The following ADAMTS18 variants were observed in gnomAD, a reference collection of about 807,000 sequenced individuals.
ADAMTS18 encodes the protein ADAM metallopeptidase with thrombospondin type 1 motif 18.
A neutral mutation model predicts 165.9 loss-of-function variants in ADAMTS18; 157 were observed. The observed-to-expected ratio is 0.95, with a 90% confidence interval of 0.83 to 1.08. The LOEUF is 1.08. Ranked by LOEUF, ADAMTS18 falls within the 50% of genes least tolerant of loss-of-function variation. ADAMTS18 has a pLI of 0.00. For missense variants in ADAMTS18, 2,040 were observed against 1,534.0 expected (o/e 1.33, Z -5.51); for synonymous variants, 782 against 578.2 (o/e 1.35, Z -5.06).
At chr16:77,367,408 A>G in intron 4 of ADAMTS18, 33 bp downstream of exon 4, 1 of 1,613,406 alleles carries the variant, frequency 6.2e-7, no homozygotes, top group Non-Finnish European at 8.5e-7. Context: ...AGGCCCACAT[A>G]AGAACAGAAA....
At chr16:77,373,788 A>C (rs996180627) in intron 3 of ADAMTS18, among the ~76,000 whole-genome samples, 1 of 152,176 alleles carries the variant, frequency 6.6e-6, no homozygotes, top group African/African-American at 2.4e-5. Context: ...TACTGGCTTT[A>C]TGTCTATCTT....
intron 3 of ADAMTS18, among the ~76,000 whole-genome samples, chr16:77,427,134 A>G (rs1400636443): frequency 1.3e-5 from 2 of 152,216 alleles, no homozygotes; most frequent in Admixed American, 1.3e-4. Flanking sequence ...TGGAGAATTA[A>G]AAATACACCT....
At chr16:77,397,137 T>C (rs1056874591) in intron 3 of ADAMTS18, among the ~76,000 whole-genome samples, 1 of 152,058 alleles carries the variant, frequency 6.6e-6, no homozygotes, top group African/African-American at 2.4e-5. Flanking sequence ...ACCCATACTG[T>C]CCCAAATCTA....
intron 22 of ADAMTS18, among the ~76,000 whole-genome samples, chr16:77,286,479 G>A (rs996390444): frequency 6.6e-6 from 1 of 152,114 alleles, no homozygotes; most frequent in Non-Finnish European, 1.5e-5. Flanking sequence ...TGTGAAAAAT[G>A]GAATTACCTT....
At position 77,434,283 on chromosome 16, in the gene ADAMTS18, A is replaced by G. The variant is rs550861255; in HGVS notation, c.178+135T>C. The G allele has an allele frequency of 1.1e-5, 12 of 1,064,286 alleles. No homozygotes were observed. The Admixed American group carries it at 1.5e-4, about 13-fold the overall frequency. The allele number at this position is 1,064,286 out of a possible 1,614,324, so 65.9% of individuals were successfully genotyped here. On this transcript the variant is annotated intron_variant, in intron 2 of 22. Transcript: ENST00000282849. ...CCTTGCCAACCTTCCCCCCTCTCCA[A>G]ACAGGAACCATTTCCAAGACAGCGC...
At chr16:77,309,199 T>C (rs1340396683) in intron 16 of ADAMTS18, among the ~76,000 whole-genome samples, 1 of 149,494 alleles carries the variant, frequency 6.7e-6, no homozygotes, top group African/African-American at 2.5e-5. Context: ...TATGCTAACG[T>C]GCGCATGTAG....
chr16:77,294,877 C>T, intron 19 of ADAMTS18, 46 bp downstream of exon 19: 2 of 1,594,016 alleles, frequency 1.3e-6, no homozygotes, highest in East Asian at 2.2e-5. Context: ...CTACTTTTGC[C>T]TTCATGGGGA....
At chr16:77,315,243 G>A (rs1311918002) in intron 16 of ADAMTS18, among the ~76,000 whole-genome samples, 1 of 152,058 alleles carries the variant, frequency 6.6e-6, no homozygotes, top group Non-Finnish European at 1.5e-5. Context: ...TAGATTGCAT[G>A]GTCTTAAAAC....
At chr16:77,287,913 G>A (rs2055286328) in intron 22 of ADAMTS18, among the ~76,000 whole-genome samples, 1 of 151,942 alleles carries the variant, frequency 6.6e-6, no homozygotes, top group Admixed American at 6.6e-5. Flanking sequence ...TTAAGAACAG[G>A]ACCTTTTAAG....
rs187113356 is a variant in ADAMTS18 at position 77,388,416 on chromosome 16, A to T, written c.496-20693T>A. ...TGCCTGGCCAGAAAGCTCTTCTATG[A>T]CCATCTCATCAAAAACACTTCTCTT... On this transcript the variant is annotated intron_variant, in intron 3 of 22. Coordinates refer to ENST00000282849, the MANE Select transcript of ADAMTS18 (RefSeq NM_199355.4). 3.3e-5 allele frequency among the ~76,000 whole-genome samples: 5 copies of T among 152,212 alleles called. No homozygotes were observed. The East Asian group carries it at 9.7e-4, about 29-fold the overall frequency.
intron 16 of ADAMTS18, among the ~76,000 whole-genome samples, chr16:77,315,914 A>G (rs1361063727): frequency 3.3e-5 from 5 of 152,232 alleles, no homozygotes; most frequent in African/African-American, 1.2e-4. Context: ...CATTGCAAAT[A>G]TATGGTGGCT....
chr16:77,311,959 G>T (rs537908850), intron 16 of ADAMTS18, among the ~76,000 whole-genome samples: 126 of 152,246 alleles, frequency 8.3e-4, no homozygotes, highest in African/African-American at 2.9e-3. Context: ...TGTATTACTG[G>T]AGATATTGCT....
At chr16:77,351,840 T>C (rs1255029479) in intron 10 of ADAMTS18, among the ~76,000 whole-genome samples, 1 of 152,006 alleles carries the variant, frequency 6.6e-6, no homozygotes, top group East Asian at 1.9e-4. Flanking sequence ...GCTCAAGTGA[T>C]CCCCCTGCCT....
intron 17 of ADAMTS18, among the ~76,000 whole-genome samples, chr16:77,299,126 A>G (rs2055532407): frequency 1.3e-5 from 2 of 152,228 alleles, no homozygotes; most frequent in Non-Finnish European, 1.5e-5. Context: ...CTGTGACTAA[A>G]TGAAACAGTG....
chr16:77,420,861 C>T (rs2057593004), intron 3 of ADAMTS18, among the ~76,000 whole-genome samples: 1 of 152,114 alleles, frequency 6.6e-6, no homozygotes. Context: ...ACTTCATTTA[C>T]CTCCTAGAAG....
In ADAMTS18 at chr16:77,355,937, T is replaced by C. The variant is rs1403175034; in HGVS notation, c.1460+3A>G. On this transcript the variant is annotated splice_donor_region_variant and intron_variant, in intron 9 of 22. Coordinates refer to ENST00000282849, the MANE Select transcript of ADAMTS18 (RefSeq NM_199355.4). Reference sequence around the variant, plus strand: ...GAGCACCCCAGGATTTAACCTGTCATACCTGAGGAATTTCTTGAGATACTG... The same window carrying C: ...GAGCACCCCAGGATTTAACCTGTCACACCTGAGGAATTTCTTGAGATACTG... 1 of 1,613,986 alleles carries C rather than the reference T, an allele frequency of 6.2e-7. No homozygotes were observed. The highest frequency in any genetic ancestry group is 1.3e-5 in the African/African-American group (1 of 75,046).
rs889755299 is a variant in ADAMTS18 at position 77,285,329 on chromosome 16, C to T, written c.3551-1258G>A. On this transcript the variant is annotated intron_variant, in intron 22 of 22. Coordinates refer to ENST00000282849, the MANE Select transcript of ADAMTS18 (RefSeq NM_199355.4). ...CTGGGATTACAGGCACCCACCACCA[C>T]GCCCAGTTAATTTTTGTATTTTTAG... 1.5e-4 allele frequency among the ~76,000 whole-genome samples: 23 copies of T among 152,116 alleles called. 1 individual carries two copies. Among genetic ancestry groups the T allele is most frequent in the African/African-American group, 7.2e-5 (3 of 41,418 alleles).
chr16:77,363,250 T>C (rs569204865), intron 6 of ADAMTS18, among the ~76,000 whole-genome samples: 1 of 152,296 alleles, frequency 6.6e-6, no homozygotes, highest in Non-Finnish European at 1.5e-5. Flanking sequence ...GTCTTGCATC[T>C]TACTGTGATC....
intron 3 of ADAMTS18, among the ~76,000 whole-genome samples, chr16:77,374,323 T>C: frequency 6.6e-6 from 1 of 152,104 alleles, no homozygotes; most frequent in Admixed American, 6.6e-5. Flanking sequence ...ACATAGGAAG[T>C]GACAATTTCA....
Sources: gnomAD v4.1 joint callset for allele counts (sites outside exome capture counted in the v4.1 genomes callset) on GRCh38, gnomAD v4.1.1 for gene constraint, MANE v1.5 for transcripts, NCBI Gene and HGNC (gene_info 2026-07-23, HGNC 2026-07-21) for gene names.